The following KCNN2 variants were observed in gnomAD, a reference collection of about 807,000 sequenced individuals.
The protein encoded by KCNN2 is potassium calcium-activated channel subfamily N member 2.
KCNN2 carries 24 observed loss-of-function variants against 55.5 expected under a neutral mutation model. That is an observed-to-expected ratio of 0.43 (90% CI 0.31 to 0.61). The LOEUF (loss-of-function observed/expected upper bound fraction) is 0.61, where lower values mean the gene tolerates loss of function less well. KCNN2 is among the 20% of genes least tolerant of loss of function. The pLI is 0.08. For missense variants in KCNN2, 754 were observed against 853.6 expected (o/e 0.88, Z 1.45); for synonymous variants, 431 against 336.1 (o/e 1.28, Z -3.09).
At chr5:114,270,963 C>A (rs573277480) in intron 2 of KCNN2, among the ~76,000 whole-genome samples, 7 of 152,152 alleles carry the variant, frequency 4.6e-5, no homozygotes, top group Middle Eastern at 6.8e-3. Flanking sequence ...AAAGGTAGTG[C>A]GGACCCTTTA....
chr5:114,342,144 AC>A (rs1433344269), intron 2 of KCNN2, among the ~76,000 whole-genome samples: 1 of 151,618 alleles, frequency 6.6e-6, no homozygotes. Context: ...CTCGTGATCC[AC>A]CCGCCTTGGC....
At chr5:114,216,288 A>G (rs1753999258) in intron 1 of KCNN2, among the ~76,000 whole-genome samples, 1 of 152,192 alleles carries the variant, frequency 6.6e-6, no homozygotes, top group Non-Finnish European at 1.5e-5. Flanking sequence ...ACATTGGACT[A>G]ACGTAGAAGA....
chr5:114,275,469 T>A (rs1245126744), intron 2 of KCNN2, among the ~76,000 whole-genome samples: 2 of 150,780 alleles, frequency 1.3e-5, no homozygotes, highest in African/African-American at 2.4e-5. Flanking sequence ...GGTCCTGGAC[T>A]CTTTTTGGTT....
chr5:114,109,380 C>T (rs979650264), intron 1 of KCNN2, among the ~76,000 whole-genome samples: 1 of 151,994 alleles, frequency 6.6e-6, no homozygotes, highest in Non-Finnish European at 1.5e-5. Flanking sequence ...AACAACTTTG[C>T]CTTATGCTCT....
At chr5:114,335,316 A>G (rs1307647591) in intron 2 of KCNN2, among the ~76,000 whole-genome samples, 1 of 152,136 alleles carries the variant, frequency 6.6e-6, no homozygotes, top group South Asian at 2.1e-4. Flanking sequence ...GTATTCCTAC[A>G]AAAGTTGTAA....
upstream of KCNN2, among the ~76,000 whole-genome samples, chr5:114,358,442 C>T (rs1376066548): frequency 6.6e-6 from 1 of 151,774 alleles, no homozygotes; most frequent in Non-Finnish European, 1.5e-5. Flanking sequence ...TTGTTGTAGG[C>T]CATAAGAAAA....
intron 1 of KCNN2, among the ~76,000 whole-genome samples, chr5:114,168,168 T>TATATAG (rs1190425940): frequency 1.5e-5 from 2 of 129,888 alleles, no homozygotes; most frequent in African/African-American, 5.5e-5. Context: ...TATATGTGGA[T>TATATAG]ATATATACAC....
At chr5:114,305,326 C>T (rs1756245836) in intron 2 of KCNN2, among the ~76,000 whole-genome samples, 1 of 152,186 alleles carries the variant, frequency 6.6e-6, no homozygotes, top group South Asian at 2.1e-4. Context: ...AGATACCTCT[C>T]TGGAATGCAG....
rs1222896637 is a variant in KCNN2, at chr5:114,158,849, G to A, written c.-270-62631G>A. 2.6e-5 allele frequency among the ~76,000 whole-genome samples: 4 copies of A among 152,040 alleles called. No individual in the cohort carries two copies. In the East Asian group the frequency reaches 5.8e-4, roughly 22 times the overall value. Reference sequence around the variant, plus strand: ...GAATGCTTGTGATTTTTGCACATTGGTTTTATATCCTGAGACTTTGCTGAA... The same window carrying A: ...GAATGCTTGTGATTTTTGCACATTGATTTTATATCCTGAGACTTTGCTGAA... On this transcript the variant is annotated intron_variant, in intron 1 of 10. Transcript: ENST00000512097.
chr5:114,435,620 TAAA>T (rs774035555), intron 3 of KCNN2, among the ~76,000 whole-genome samples: 2 of 147,680 alleles, frequency 1.4e-5, no homozygotes, highest in South Asian at 2.1e-4. Flanking sequence ...ATTTTTACTC[TAAA>T]AAAAAAAGAT....
chr5:114,243,789 C>T (rs1754692957), intron 2 of KCNN2, among the ~76,000 whole-genome samples: 1 of 152,040 alleles, frequency 6.6e-6, no homozygotes, highest in Non-Finnish European at 1.5e-5. Context: ...AATGTGTTTC[C>T]CCCAGGATAA....
chr5:114,307,900 C>T (rs1756315924), intron 2 of KCNN2, among the ~76,000 whole-genome samples: 1 of 151,956 alleles, frequency 6.6e-6, no homozygotes, highest in South Asian at 2.1e-4. Flanking sequence ...TTAATTCCTC[C>T]TTATACTTCC....
chr5:114,166,152 A>T (rs181262501), intron 1 of KCNN2, among the ~76,000 whole-genome samples: 1 of 152,190 alleles, frequency 6.6e-6, no homozygotes, highest in East Asian at 1.9e-4. Flanking sequence ...GGCCTCCCAA[A>T]GTGCTGCTTA....
chr5:114,348,400 T>A (rs560195846), intron 2 of KCNN2, among the ~76,000 whole-genome samples: 95 of 152,082 alleles, frequency 6.2e-4, no homozygotes, highest in Non-Finnish European at 1.1e-3. Flanking sequence ...TGTGCACATG[T>A]ACCCTAAAAC....
At chr5:114,399,074 A>G (rs1198498585) in intron 2 of KCNN2, among the ~76,000 whole-genome samples, 1 of 152,214 alleles carries the variant, frequency 6.6e-6, no homozygotes, top group Non-Finnish European at 1.5e-5. Flanking sequence ...GACTTCCAGT[A>G]CTGTGTTGAA....
intron 5 of KCNN2, among the ~76,000 whole-genome samples, chr5:114,477,147 A>AAATC (rs1010569554): frequency 1.0e-5 from 1 of 100,348 alleles, no homozygotes; most frequent in Non-Finnish European, 2.4e-5. Flanking sequence ...ATCTAGAAAG[A>AAATC]AATCATTTTT....
chr5:114,170,752 T>C (rs1203128066), intron 1 of KCNN2, among the ~76,000 whole-genome samples: 3 of 152,006 alleles, frequency 2.0e-5, no homozygotes, highest in Non-Finnish European at 2.9e-5. Flanking sequence ...AACCTAGTCA[T>C]TTACCTATGT....
At chr5:114,378,337 C>T (rs921154168) in intron 2 of KCNN2, among the ~76,000 whole-genome samples, 3 of 152,134 alleles carry the variant, frequency 2.0e-5, no homozygotes, top group African/African-American at 7.2e-5. Context: ...AAAAGTTTGC[C>T]AGCCCCTGAG....
chr5:114,216,908 G>A (rs1405988033), intron 1 of KCNN2, among the ~76,000 whole-genome samples: 2 of 152,084 alleles, frequency 1.3e-5, no homozygotes, highest in Admixed American at 6.6e-5. Context: ...AGCAATTATA[G>A]CAAGGTTGCA....
Sources: gnomAD v4.1 joint callset for allele counts (sites outside exome capture counted in the v4.1 genomes callset) on GRCh38, gnomAD v4.1.1 for gene constraint, MANE v1.5 for transcripts, NCBI Gene and HGNC (gene_info 2026-07-23, HGNC 2026-07-21) for gene names.